MLLT3: variants seen among roughly 807,000 people sequenced by gnomAD.
MLLT3 encodes MLLT3 super elongation complex subunit.
In MLLT3, 4 loss-of-function variants were observed where a neutral mutation model predicts 53.2. The observed-to-expected ratio is 0.08, with a 90% CI of 0.04 to 0.17. The LOEUF (loss-of-function observed/expected upper bound fraction) is 0.17. Ranked by LOEUF, MLLT3 falls within the 10% of genes least tolerant of loss-of-function variation. The probability of loss-of-function intolerance (pLI) is 1.00; values close to 1 mark genes in which losing one functional copy is unlikely to be tolerated. For synonymous variants in MLLT3, 283 were observed against 230.6 expected (o/e 1.23, Z -2.06); for missense variants, 569 against 684.0 (o/e 0.83, Z 1.87).
chr9:20,599,692 C>A (rs1563837899), intron 2 of MLLT3, among the ~76,000 whole-genome samples: 1 of 152,104 alleles, frequency 6.6e-6, no homozygotes, highest in Non-Finnish European at 1.5e-5. Context: ...AGTTATGCCA[C>A]TCTAAAAAAG....
At chr9:20,415,387 C>T in intron 4 of MLLT3, 1 of 726,056 alleles carries the variant, frequency 1.4e-6, no homozygotes, top group Non-Finnish European at 1.7e-6. Flanking sequence ...GAATATATAA[C>T]CTATATATAA....
At chr9:20,594,299 C>G (rs550648024) in intron 2 of MLLT3, among the ~76,000 whole-genome samples, 2 of 152,172 alleles carry the variant, frequency 1.3e-5, no homozygotes, top group South Asian at 4.1e-4. Context: ...CGTTGGAACT[C>G]AAGAGTTATG....
intron 2 of MLLT3, among the ~76,000 whole-genome samples, chr9:20,571,068 C>T (rs1036978809): frequency 1.3e-5 from 2 of 152,220 alleles, no homozygotes; most frequent in Non-Finnish European, 2.9e-5. Context: ...TAGAAAAGCA[C>T]ACAGTGGCTT....
At chr9:20,369,826 A>G in intron 5 of MLLT3, among the ~76,000 whole-genome samples, 1 of 152,156 alleles carries the variant, frequency 6.6e-6, no homozygotes, top group East Asian at 1.9e-4. Context: ...GGCCCTAAGG[A>G]TTGCAAGATA....
rs773196575 is a variant in MLLT3, at chr9:20,433,958, C to CAAAAAAAAAAAA, written c.420+14153_420+14164dup. Among the ~76,000 whole-genome samples, 40 of 133,862 alleles carry CAAAAAAAAAAAA rather than the reference C, an allele frequency of 3.0e-4. 1 individual carries two copies. The highest frequency in any genetic ancestry group is 1.1e-3 in the African/African-American group (38 of 35,436). 87.8% of individuals were successfully genotyped at this position (133,862 alleles called of 152,430 possible). ...TGAAACCCTGTCTCTACTAAAAATA[C>CAAAAAAAAAAAA]AAAAAAAAAAAAATTAGCTGGGTAT... On this transcript the variant is annotated intron_variant, in intron 4 of 10. Transcript: ENST00000380338.
chr9:20,457,472 C>T (rs1392099075), intron 2 of MLLT3, among the ~76,000 whole-genome samples: 1 of 151,932 alleles, frequency 6.6e-6, no homozygotes, highest in Non-Finnish European at 1.5e-5. Flanking sequence ...TGGTCTTGAA[C>T]TCCCGACCTC....
At chr9:20,449,624 T>C (rs1823791341) in intron 3 of MLLT3, among the ~76,000 whole-genome samples, 1 of 152,172 alleles carries the variant, frequency 6.6e-6, no homozygotes, top group African/African-American at 2.4e-5. Context: ...TCAAGGGTCT[T>C]TGCACCTGAA....
At chr9:20,591,986 A>C (rs1327431242) in intron 2 of MLLT3, among the ~76,000 whole-genome samples, 1 of 152,066 alleles carries the variant, frequency 6.6e-6, no homozygotes, top group African/African-American at 2.4e-5. Flanking sequence ...ACATTTTTTT[A>C]ATAATAAAAA....
chr9:20,471,026 T>C (rs1000669992), intron 2 of MLLT3, among the ~76,000 whole-genome samples: 1 of 151,916 alleles, frequency 6.6e-6, no homozygotes, highest in Non-Finnish European at 1.5e-5. Flanking sequence ...AGATCACTGA[T>C]GTCACATAAA....
At chr9:20,487,065 C>T (rs1029137448) in intron 2 of MLLT3, among the ~76,000 whole-genome samples, 2 of 152,002 alleles carry the variant, frequency 1.3e-5, no homozygotes, top group Admixed American at 6.6e-5. Flanking sequence ...TATAAAAAAT[C>T]AATTATTTAT....
intron 2 of MLLT3, among the ~76,000 whole-genome samples, chr9:20,568,071 T>C (rs1250138912): frequency 6.6e-6 from 1 of 152,132 alleles, no homozygotes; most frequent in Non-Finnish European, 1.5e-5. Flanking sequence ...TAAGTACTCA[T>C]AAATAAAGTA....
chr9:20,445,891 T>C (rs1053167658), intron 4 of MLLT3, among the ~76,000 whole-genome samples: 2 of 152,144 alleles, frequency 1.3e-5, no homozygotes, highest in Non-Finnish European at 2.9e-5. Flanking sequence ...GAAGACATAA[T>C]CGTGAACTCA....
chr9:20,514,939 A>ATT (rs35816235), intron 2 of MLLT3, among the ~76,000 whole-genome samples: 294 of 88,684 alleles, frequency 3.3e-3, no homozygotes, highest in Middle Eastern at 6.5e-3. Flanking sequence ...TGAAGGAACA[A>ATT]TTTTTTTTTT....
chr9:20,534,502 T>A (rs563539728), intron 2 of MLLT3, among the ~76,000 whole-genome samples: 1 of 152,362 alleles, frequency 6.6e-6, no homozygotes, highest in East Asian at 1.9e-4. Context: ...CCCCTTCATT[T>A]TTCACTCTGC....
At chr9:20,544,672 T>G (rs773272473) in intron 2 of MLLT3, among the ~76,000 whole-genome samples, 1 of 152,220 alleles carries the variant, frequency 6.6e-6, no homozygotes, top group South Asian at 2.1e-4. Context: ...GAAAACACTA[T>G]GAACATTCCT....
chr9:20,382,005 G>A (rs1398352796), intron 5 of MLLT3, among the ~76,000 whole-genome samples: 1 of 151,746 alleles, frequency 6.6e-6, no homozygotes, highest in Non-Finnish European at 1.5e-5. Flanking sequence ...AAAATTCACT[G>A]GTAGATAAAA....
chr9:20,517,789 G>C (rs1817953549), intron 2 of MLLT3, among the ~76,000 whole-genome samples: 1 of 151,902 alleles, frequency 6.6e-6, no homozygotes, highest in Non-Finnish European at 1.5e-5. Flanking sequence ...GTGAAGCCAA[G>C]ATCCTGCCAC....
chr9:20,601,250 C>A (rs773568995), intron 2 of MLLT3, among the ~76,000 whole-genome samples: 1 of 152,142 alleles, frequency 6.6e-6, no homozygotes, highest in Non-Finnish European at 1.5e-5. Context: ...ATAATTAAGG[C>A]GTTTTGTATT....
chr9:20,475,071 G>A (rs770047436), intron 2 of MLLT3, among the ~76,000 whole-genome samples: 9 of 152,034 alleles, frequency 5.9e-5, no homozygotes, highest in Non-Finnish European at 1.3e-4. Context: ...CCGGGGGGTG[G>A]GAACTGAATG....
Sources: allele counts gnomAD v4.1 joint callset (sites outside exome capture counted in the v4.1 genomes callset), GRCh38; gene constraint gnomAD v4.1.1; transcripts MANE v1.5; gene names NCBI Gene and HGNC (gene_info 2026-07-23, HGNC 2026-07-21).